The following BAG5 variants were observed in gnomAD, a reference collection of about 807,000 sequenced individuals.
BAG5 encodes the protein BAG family molecular chaperone regulator 5.
A neutral mutation model predicts 31.8 loss-of-function variants in BAG5; 25 were observed. The ratio of observed to expected loss-of-function variants is 0.79; its 90% CI spans 0.57 to 1.10. The LOEUF (loss-of-function observed/expected upper bound fraction) is 1.10, where lower values mean the gene tolerates loss of function less well. Ranked by LOEUF, BAG5 falls within the 50% of genes least tolerant of loss-of-function variation. BAG5 has a pLI of 0.00. For synonymous variants in BAG5, 208 were observed against 205.0 expected, an observed-to-expected ratio of 1.01 and a Z score of -0.13; for missense variants, 491 against 527.9, an observed-to-expected ratio of 0.93 and a Z score of 0.68.
In BAG5 at chr14:103,557,059, C is replaced by G. The variant is rs150993456; in HGVS notation, c.*2762G>C. The G allele has an allele frequency of 4.9e-4, 74 of 152,316 alleles. No individual in the cohort carries two copies. In the Middle Eastern group the frequency reaches 0.014, roughly 28 times the overall value. The allele number at this position is 152,316 out of a possible 1,614,324, so 9.4% of individuals were successfully genotyped here. ...TGGATAAAGTGTGATCTGAAAGCAA[C>G]GCTGACTGAATGTAAATAAAGCAAA... On this transcript the variant is annotated 3_prime_UTR_variant, in exon 2 of 2. Transcript: ENST00000299204.
chr14:103,559,670 C>T lies in BAG5; in HGVS notation c.*151G>A, dbSNP rs1170681748. 13 of 854,060 alleles carry T rather than the reference C, an allele frequency of 1.5e-5. No individual in the cohort carries two copies. The highest frequency in any genetic ancestry group is 2.3e-5 in the Non-Finnish European group (13 of 565,498). 52.9% of individuals were successfully genotyped at this position (854,060 alleles called of 1,614,324 possible). On this transcript the variant is annotated 3_prime_UTR_variant, in exon 2 of 2. Transcript: ENST00000299204. ...TGCTGTAATGATATTTGTCTTGCAACATCAAAAGCAGCAGATACTGAATAG... is the reference window on the plus strand; with the variant it reads ...TGCTGTAATGATATTTGTCTTGCAATATCAAAAGCAGCAGATACTGAATAG...
chr14:103,559,775 C>A lies in BAG5; in HGVS notation c.*46G>T. The A allele has an allele frequency of 6.3e-7, 1 of 1,575,056 alleles. No individual in the cohort carries two copies. Among genetic ancestry groups the A allele is most frequent in the Non-Finnish European group, 8.6e-7 (1 of 1,160,496 alleles). On this transcript the variant is annotated 3_prime_UTR_variant, in exon 2 of 2. Transcript: ENST00000299204. ...ACTGAAAGCTCTCTATACATAGAAG[C>A]ACATATGAAGTGCAAAACAGTATCA...
Position 103,559,602 on chromosome 14 carries a change from ACAC to A in BAG5, c.*216_*218del, listed in dbSNP as rs970061652. 9.1e-5 allele frequency: 52 copies of A among 569,108 alleles called. No individual in the cohort carries two copies. Among genetic ancestry groups the A allele is most frequent in the Middle Eastern group, 4.9e-4 (1 of 2,036 alleles). 35.3% of individuals were successfully genotyped at this position (569,108 alleles called of 1,614,324 possible). On this transcript the variant is annotated 3_prime_UTR_variant, in exon 2 of 2. Coordinates refer to ENST00000299204, the MANE Select transcript of BAG5 (RefSeq NM_001015048.3). ...AAAAAAAGGACAAACCAAACAAACC[ACAC>A]CACATCATACAGATAATGATCCGAA...
At chr14:103,561,693 C>T in intron 1 of BAG5, 2 of 544,228 alleles carry the variant, frequency 3.7e-6, no homozygotes, top group South Asian at 4.7e-5. Context: ...TTGTGCACTT[C>T]CCCTCCCCAC....
chr14:103,560,212 T>C lies in BAG5; in HGVS notation c.953A>G (p.Asp318Gly). 6.2e-7 allele frequency: 1 copy of C among 1,614,170 alleles called. No homozygotes were observed. ...TELQGLIGQL[D>G]EVSLEKNPCI... ...GGGGTTTTTTTCAAGACTTACCTCA[T>C]CCAACTGTCCAATTAAACCCTGCAA... Residue 318 changes from aspartate to glycine, a missense_variant, in exon 2 of 2, where the codon GAT (aspartate) becomes GGT (glycine). Transcript: ENST00000299204.
rs1393869948 is a variant in BAG5, at chr14:103,556,877, TCAAA to T, written c.*2940_*2943del. 9.2e-5 allele frequency: 14 copies of T among 152,196 alleles called. No individual in the cohort carries two copies. The highest frequency in any genetic ancestry group is 4.1e-4 in the South Asian group (2 of 4,822). 9.4% of individuals were successfully genotyped at this position (152,196 alleles called of 1,614,324 possible). ...AAAAACCAGATAGAAATTGACAAAG[TCAAA>T]CAAAGGAGAAAAACTAGCTGAACTT... is the stretch of plus-strand genomic sequence containing the variant. On this transcript the variant is annotated 3_prime_UTR_variant, in exon 2 of 2. Transcript: ENST00000299204.
intron 1 of BAG5, chr14:103,562,106 G>C: frequency 1.2e-6 from 1 of 830,370 alleles, no homozygotes. Context: ...TTACCCAAAA[G>C]AAGTCTGAAT....
At chr14:103,562,259 C>T (rs991923714) in intron 1 of BAG5, 15 of 491,670 alleles carry the variant, frequency 3.1e-5, no homozygotes, top group Non-Finnish European at 5.1e-5. Flanking sequence ...GGTGAAGGGG[C>T]CGCTACTGGC....
intron 1 of BAG5, 59 bp from the exon 2 acceptor site, chr14:103,561,251 G>A: frequency 1.4e-6 from 2 of 1,471,736 alleles, no homozygotes; most frequent in Non-Finnish European, 1.8e-6. Context: ...GAACACTAAT[G>A]GTATATTAAG....
chr14:103,560,992 G>A lies in BAG5; in HGVS notation c.173C>T (p.Thr58Ile). Residue 58 changes from threonine (T) to isoleucine (I), a missense_variant, in exon 2 of 2, where the codon ACT becomes ATT. Coordinates refer to ENST00000299204, the MANE Select transcript of BAG5 (RefSeq NM_001015048.3). ...TTGCTGAATATCTCCTTTTCCTTCAGTATCTACAGAGTCTATTTCAAAAAG... is the reference window on the plus strand; with the variant it reads ...TTGCTGAATATCTCCTTTTCCTTCAATATCTACAGAGTCTATTTCAAAAAG... The part of the protein sequence containing the change: ...KQLFEIDSVD[T>I]EGKGDIQQAR... 1 of 1,614,054 alleles carries A rather than the reference G, an allele frequency of 6.2e-7. No homozygotes were observed. Among genetic ancestry groups the A allele is most frequent in the Non-Finnish European group, 8.5e-7 (1 of 1,180,040 alleles).
rs2076061360 is a variant in BAG5, at chr14:103,560,113, GC to G, written c.1051del (p.Ala351ProfsTer57). ...TLITYIDLKE[A>X]LEKRKLFACE... is the part of the protein sequence containing the mutation. ...AGCAAACAGCTTTCTTTTCTCAAGGGCCTCCTTCAAGTCAATATATGTGATC... is the reference window on the plus strand; with the variant it reads ...AGCAAACAGCTTTCTTTTCTCAAGGGCTCCTTCAAGTCAATATATGTGATC... On this transcript the variant is annotated frameshift_variant, in exon 2 of 2. Coordinates refer to ENST00000299204, the MANE Select transcript of BAG5 (RefSeq NM_001015048.3). LOFTEE classifies it high-confidence loss of function. 6.2e-7 allele frequency: 1 copy of G among 1,613,990 alleles called. No homozygotes were observed. The highest frequency in any genetic ancestry group is 1.7e-5 in the Admixed American group (1 of 59,986).
At chr14:103,562,238 G>A in intron 1 of BAG5, 1 of 542,884 alleles carries the variant, frequency 1.8e-6, no homozygotes. Flanking sequence ...CTAGGTCTGA[G>A]CGGGGCAGCC....
rs1351550200 is a variant in BAG5 at position 103,557,474 on chromosome 14, G to GTA, written c.*2345_*2346dup. 1 of 152,158 alleles carries GTA rather than the reference G, an allele frequency of 6.6e-6. No homozygotes were observed. The highest frequency in any genetic ancestry group is 1.5e-5 in the Non-Finnish European group (1 of 68,034). The allele number at this position is 152,158 out of a possible 1,614,324, so 9.4% of individuals were successfully genotyped here. The stretch of plus-strand genomic sequence containing the variant: ...TGACGGTGGAAGAGCTGAGCACCCT[G>GTA]TACTCACACACGATGCCCACAGCTT... On this transcript the variant is annotated 3_prime_UTR_variant, in exon 2 of 2. Transcript: ENST00000299204.
At position 103,561,760 on chromosome 14, in the gene BAG5, C is replaced by A. The variant is rs1414525334; in HGVS notation, c.-28-568G>T. ...GAAGTCTCCCTGAAGAGATTAAAAC[C>A]CCACAGGTAAAGAAGAGCGACCGGG... On this transcript the variant is annotated intron_variant, in intron 1 of 1. Coordinates refer to ENST00000299204, the MANE Select transcript of BAG5 (RefSeq NM_001015048.3). The A allele has an allele frequency of 1.1e-5, 7 of 622,230 alleles. No homozygotes were observed. The Admixed American group carries it at 1.7e-4, about 15-fold the overall frequency. The allele number at this position is 622,230 out of a possible 1,614,324, so 38.5% of individuals were successfully genotyped here. A position where few individuals can be genotyped will look rare whatever the true frequency, so the allele number is the denominator to read the frequency against.
rs114098229 is a variant in BAG5, at chr14:103,561,711, G to A, written c.-28-519C>T. On this transcript the variant is annotated intron_variant, in intron 1 of 1. Transcript: ENST00000299204. Reference sequence around the variant, plus strand: ...TGCACTTCCCCTCCCCACCCTTTTAGCTCCTCACACATCTTCCCTCACAGA... The same window carrying A: ...TGCACTTCCCCTCCCCACCCTTTTAACTCCTCACACATCTTCCCTCACAGA... The A allele has an allele frequency of 7.2e-3, 4,061 of 563,560 alleles. 123 individuals are homozygous for A. Among genetic ancestry groups the A allele is most frequent in the African/African-American group, 0.068 (3,598 of 53,018 alleles). 34.9% of individuals were successfully genotyped at this position (563,560 alleles called of 1,614,324 possible).
intron 1 of BAG5, chr14:103,562,361 GGCCGGGGGAA>G (rs1257674556): frequency 2.3e-4 from 65 of 280,832 alleles, no homozygotes; most frequent in Non-Finnish European, 4.0e-4. Context: ...AGCTCGGCCC[GGCCGGGGGAA>G]GCCGGGGGAG....
In BAG5 at chr14:103,559,261, C is replaced by A. The variant is rs542731960; in HGVS notation, c.*560G>T. On this transcript the variant is annotated 3_prime_UTR_variant, in exon 2 of 2. Coordinates refer to ENST00000299204, the MANE Select transcript of BAG5 (RefSeq NM_001015048.3). ...GGGGAAAATGCAGATGCTGTTTTTC[C>A]AACTAAAAATGTTTACAAAAGAACA... The A allele has an allele frequency of 6.6e-6, 1 of 151,928 alleles. No homozygotes were observed. The highest frequency in any genetic ancestry group is 2.1e-4 in the South Asian group (1 of 4,812). 9.4% of individuals were successfully genotyped at this position (151,928 alleles called of 1,614,324 possible). A position where few individuals can be genotyped will look rare whatever the true frequency, so the allele number is the denominator to read the frequency against.
chr14:103,559,399 G>T lies in BAG5; in HGVS notation c.*422C>A. ...AGCATAATGAAACAGAACATGTACT[G>T]CTTGTGTTTGAACCTTACTCTTATT... On this transcript the variant is annotated 3_prime_UTR_variant, in exon 2 of 2. Coordinates refer to ENST00000299204, the MANE Select transcript of BAG5 (RefSeq NM_001015048.3). 1 of 173,328 alleles carries T rather than the reference G, an allele frequency of 5.8e-6. No individual in the cohort carries two copies. Among genetic ancestry groups the T allele is most frequent in the South Asian group, 1.3e-4 (1 of 7,752 alleles). The allele number at this position is 173,328 out of a possible 1,614,324, so 10.7% of individuals were successfully genotyped here.
At chr14:103,562,436 G>C (rs967203400) in intron 1 of BAG5, 180 bp downstream of exon 1, 2 of 208,378 alleles carry the variant, frequency 9.6e-6, no homozygotes, top group Non-Finnish European at 1.9e-5. Context: ...GCCAGCCCCG[G>C]TCGCTTCCGA....
Sources: allele counts gnomAD v4.1 joint callset, GRCh38; gene constraint gnomAD v4.1.1; transcripts MANE v1.5; gene names NCBI Gene and HGNC (gene_info 2026-07-23, HGNC 2026-07-21).